The following LRP1B variants were observed in gnomAD, a reference collection of about 807,000 sequenced individuals.
LRP1B encodes low-density lipoprotein receptor-related protein 1B.
In LRP1B, 217 loss-of-function variants were observed where a neutral mutation model predicts 556.6. The observed-to-expected ratio is 0.39, with a 90% CI of 0.35 to 0.44. The LOEUF (loss-of-function observed/expected upper bound fraction) is 0.44. Ranked by LOEUF, LRP1B falls within the 20% of genes least tolerant of loss-of-function variation. LRP1B has a pLI of 1.00. For synonymous variants in LRP1B, 2,047 were observed against 1,865.8 expected (o/e 1.10, Z -2.50); for missense variants, 5,053 against 5,620.8 (o/e 0.90, Z 3.23).
chr2:140,494,790 T>G (rs1456933495), intron 56 of LRP1B, among the ~76,000 whole-genome samples: 1 of 152,004 alleles, frequency 6.6e-6, no homozygotes, highest in African/African-American at 2.4e-5. Flanking sequence ...AGCTATTTTA[T>G]TAAAGTGGTT....
At chr2:141,572,708 T>C (rs1023873526) in intron 2 of LRP1B, among the ~76,000 whole-genome samples, 1 of 152,046 alleles carries the variant, frequency 6.6e-6, no homozygotes, top group East Asian at 1.9e-4. Context: ...AAGACATACA[T>C]AGGCTCAAAA....
intron 3 of LRP1B, among the ~76,000 whole-genome samples, chr2:141,348,803 G>A (rs1263784713): frequency 1.3e-5 from 2 of 151,990 alleles, no homozygotes; most frequent in Admixed American, 6.6e-5. Context: ...CAAGTGCTGT[G>A]GGAGGGACCT....
chr2:142,023,904 T>A (rs1703422112), intron 1 of LRP1B, among the ~76,000 whole-genome samples: 1 of 152,226 alleles, frequency 6.6e-6, no homozygotes, highest in African/African-American at 2.4e-5. Flanking sequence ...CTAGTTTTGC[T>A]TTTAATTTAT....
chr2:140,865,198 G>A (rs1692911569), intron 27 of LRP1B, among the ~76,000 whole-genome samples: 1 of 151,922 alleles, frequency 6.6e-6, no homozygotes, highest in South Asian at 2.1e-4. Flanking sequence ...AACCAATTTG[G>A]AACTTTGTGT....
At chr2:140,432,964 T>A (rs114082565) in intron 66 of LRP1B, among the ~76,000 whole-genome samples, 1,794 of 152,334 alleles carry the variant, frequency 0.012, 36 homozygotes, top group African/African-American at 0.041. Context: ...AATCTAATAA[T>A]GTTCAGAATG....
chr2:140,904,956 G>A (rs1296234378), intron 22 of LRP1B, among the ~76,000 whole-genome samples: 1 of 152,020 alleles, frequency 6.6e-6, no homozygotes, highest in Non-Finnish European at 1.5e-5. Flanking sequence ...ACAGATTTTA[G>A]GTTAAATGAA....
chr2:140,330,219 A>C (rs150014964), intron 79 of LRP1B, among the ~76,000 whole-genome samples: 11,242 of 141,398 alleles, frequency 0.08, 503 homozygotes, highest in Middle Eastern at 0.13. Context: ...AATAATAATA[A>C]TAATAATAAT....
chr2:140,644,835 G>T (rs564299152), intron 41 of LRP1B, among the ~76,000 whole-genome samples: 1 of 152,050 alleles, frequency 6.6e-6, no homozygotes, highest in African/African-American at 2.4e-5. Flanking sequence ...TAAAGCAATC[G>T]ATCAGTACAA....
intron 2 of LRP1B, among the ~76,000 whole-genome samples, chr2:141,648,755 A>T (rs1233444178): frequency 6.6e-6 from 1 of 152,200 alleles, no homozygotes; most frequent in East Asian, 1.9e-4. Context: ...TTAATCTGTT[A>T]GTGGGAGCTG....
intron 2 of LRP1B, among the ~76,000 whole-genome samples, chr2:141,518,548 G>A (rs1048568866): frequency 2.0e-5 from 3 of 152,038 alleles, no homozygotes; most frequent in African/African-American, 7.2e-5. Flanking sequence ...TAAAGCAGAG[G>A]CTAAAAAATT....
At chr2:141,122,363 G>C (rs1167818073) in intron 7 of LRP1B, among the ~76,000 whole-genome samples, 1 of 150,782 alleles carries the variant, frequency 6.6e-6, no homozygotes, top group Non-Finnish European at 1.5e-5. Context: ...CTGACAAAGG[G>C]CTAATATCCA....
chr2:140,427,894 C>T (rs574829025), intron 66 of LRP1B, among the ~76,000 whole-genome samples: 17 of 152,250 alleles, frequency 1.1e-4, no homozygotes, highest in Admixed American at 2.0e-4. Flanking sequence ...ACACGGGGTC[C>T]GGCTTACAGT....
intron 52 of LRP1B, among the ~76,000 whole-genome samples, chr2:140,507,968 C>G (rs186168841): frequency 1.3e-5 from 2 of 152,162 alleles, no homozygotes; most frequent in African/African-American, 4.8e-5. Context: ...GTATGTGAAG[C>G]AGATTTGGCT....
chr2:141,414,151 G>A (rs1451083390), intron 3 of LRP1B, among the ~76,000 whole-genome samples: 6 of 151,232 alleles, frequency 4.0e-5, no homozygotes, highest in African/African-American at 9.7e-5. Flanking sequence ...GCAGGAGAAT[G>A]GCGTGAACCC....
intron 3 of LRP1B, among the ~76,000 whole-genome samples, chr2:141,394,840 A>C (rs2104912455): frequency 6.6e-6 from 1 of 152,244 alleles, no homozygotes; most frequent in East Asian, 1.9e-4. Context: ...AATCTACAAA[A>C]CTAGTCATGT....
intron 1 of LRP1B, among the ~76,000 whole-genome samples, chr2:141,980,985 C>T (rs567106008): frequency 5.3e-5 from 8 of 151,898 alleles, no homozygotes; most frequent in Admixed American, 2.0e-4. Flanking sequence ...GGCAAATATT[C>T]GGTGATTATA....
chr2:140,770,936 C>A lies in LRP1B; in HGVS notation c.5571G>T (p.Arg1857Ser), dbSNP rs1305171400. Residue 1857 changes from arginine to serine, a missense_variant, in exon 34 of 91, where the codon AGG becomes AGT. By Grantham distance (110) the Arg-to-Ser change is moderately radical. Transcript: ENST00000389484. Reference sequence around the variant, plus strand: ...AATATCCCACTGTACACATACAAGTCCTTGTAGTTTCAGATGTTGGTAAAC... The same window carrying A: ...AATATCCCACTGTACACATACAAGTACTTGTAGTTTCAGATGTTGGTAAAC... The part of the protein sequence containing the change: ...QLCLPTSETT[R>S]TCMCTVGYYL... The A allele has an allele frequency of 6.3e-7, 1 of 1,587,200 alleles. No homozygotes were observed. Among genetic ancestry groups the A allele is most frequent in the South Asian group, 1.2e-5 (1 of 86,088 alleles).
intron 23 of LRP1B, among the ~76,000 whole-genome samples, chr2:140,898,016 G>A (rs1244492759): frequency 2.6e-5 from 4 of 151,960 alleles, no homozygotes; most frequent in African/African-American, 7.3e-5. Flanking sequence ...CCAACTTTTC[G>A]GTTTAGGAGC....
chr2:141,544,319 C>CTTCTTCTTCTTCTTCTT (rs1553533125), intron 2 of LRP1B, among the ~76,000 whole-genome samples: 439 of 42,830 alleles, frequency 0.01, 9 homozygotes, highest in South Asian at 0.028. Context: ...TCTTCTTCTT[C>CTTCTTCTTCTTCTTCTT]TTCTTCTTCT....
Sources: allele counts gnomAD v4.1 joint callset (sites outside exome capture counted in the v4.1 genomes callset), GRCh38; gene constraint gnomAD v4.1.1; transcripts MANE v1.5; gene names NCBI Gene and HGNC (gene_info 2026-07-23, HGNC 2026-07-21).